RAPGEF1: variants seen among roughly 807,000 people sequenced by gnomAD.
RAPGEF1 encodes the protein CRK SH3-binding GNRP.
A neutral mutation model predicts 143.3 loss-of-function variants in RAPGEF1; 33 were observed. The ratio of observed to expected loss-of-function variants is 0.23; its 90% CI spans 0.17 to 0.31. The LOEUF (loss-of-function observed/expected upper bound fraction) is 0.31. Among genes scored for constraint, RAPGEF1 ranks in the 10% least tolerant of loss-of-function variants. RAPGEF1 has a pLI of 1.00. For missense variants in RAPGEF1, 1,199 were observed against 1,645.4 expected (o/e 0.73, Z 4.69); for synonymous variants, 629 against 676.5 (o/e 0.93, Z 1.09).
intron 14 of RAPGEF1, 28 bp from the exon 15 acceptor site, chr9:131,602,177 T>C (rs764010825): frequency 6.5e-7 from 1 of 1,536,236 alleles, no homozygotes; most frequent in Non-Finnish European, 8.8e-7. Context: ...TGCTGAGTTC[T>C]GGACAGGGGC....
chr9:131,688,339 A>G (rs999627557), intron 1 of RAPGEF1, among the ~76,000 whole-genome samples: 9 of 152,210 alleles, frequency 5.9e-5, no homozygotes, highest in Admixed American at 5.2e-4. Flanking sequence ...TAAAAGAACC[A>G]CAATTCACTG....
intron 4 of RAPGEF1, among the ~76,000 whole-genome samples, chr9:131,642,278 T>C (rs1482595175): frequency 6.6e-6 from 1 of 152,208 alleles, no homozygotes; most frequent in Non-Finnish European, 1.5e-5. Context: ...CAGCGAGTGC[T>C]TGTAATTTTA....
intron 5 of RAPGEF1, among the ~76,000 whole-genome samples, chr9:131,633,840 G>GCTAA (rs1184743533): frequency 6.6e-6 from 1 of 152,214 alleles, no homozygotes; most frequent in Non-Finnish European, 1.5e-5. Context: ...TGGCTACTGT[G>GCTAA]CTAACACCCT....
chr9:131,635,025 T>C (rs1246038059), intron 5 of RAPGEF1, among the ~76,000 whole-genome samples: 1 of 152,056 alleles, frequency 6.6e-6, no homozygotes, highest in Non-Finnish European at 1.5e-5. Context: ...AGGCTCCCGG[T>C]GGAAAAGCAG....
chr9:131,726,492 G>A (rs570945267), intron 1 of RAPGEF1, among the ~76,000 whole-genome samples: 2 of 152,218 alleles, frequency 1.3e-5, no homozygotes, highest in Non-Finnish European at 2.9e-5. Context: ...CGGACGCGGT[G>A]GTGGATGCCT....
chr9:131,586,826 C>T (rs1424692445), intron 22 of RAPGEF1, among the ~76,000 whole-genome samples: 7 of 67,120 alleles, frequency 1.0e-4, no homozygotes, highest in African/African-American at 1.8e-4. Context: ...ACCTGCAGAG[C>T]GAGACTCCGT....
chr9:131,662,050 G>A (rs1974244254), intron 1 of RAPGEF1, among the ~76,000 whole-genome samples: 1 of 152,112 alleles, frequency 6.6e-6, no homozygotes, highest in African/African-American at 2.4e-5. Context: ...GTCTCATGAG[G>A]CTCGCCTAAG....
chr9:131,622,658 C>T (rs1237371313), intron 10 of RAPGEF1, among the ~76,000 whole-genome samples: 1 of 152,216 alleles, frequency 6.6e-6, no homozygotes, highest in African/African-American at 2.4e-5. Flanking sequence ...CTCCAACAAG[C>T]ACCGAGCAGA....
intron 19 of RAPGEF1, among the ~76,000 whole-genome samples, chr9:131,589,630 G>C (rs1165154985): frequency 6.6e-6 from 1 of 152,216 alleles, no homozygotes; most frequent in African/African-American, 2.4e-5. Context: ...AGATACCATG[G>C]GAGCAGGTGC....
In RAPGEF1 at chr9:131,629,207, T is replaced by C. The variant is rs1249069086; in HGVS notation, c.788A>G (p.Lys263Arg). 1 of 1,613,972 alleles carries C rather than the reference T, an allele frequency of 6.2e-7. No homozygotes were observed. Among genetic ancestry groups the C allele is most frequent in the Non-Finnish European group, 8.5e-7 (1 of 1,179,854 alleles). The change falls in exon 7 of 27, where the codon AAG becomes AGG. Residue 263 changes from lysine to arginine, a missense_variant. Coordinates refer to ENST00000683357, the MANE Select transcript of RAPGEF1 (RefSeq NM_001377935.1). ...AGTTGACTGTGACATCCCAGTCGTC[T>C]TGTTTAGGATCTCTACCTCGCGGTC... ...LTDREVEILN[K>R]TTGMSQSTEL...
chr9:131,710,993 C>T (rs763472732), intron 1 of RAPGEF1, among the ~76,000 whole-genome samples: 1 of 152,064 alleles, frequency 6.6e-6, no homozygotes, highest in Admixed American at 6.6e-5. Context: ...CAAAAGAGAA[C>T]ATTTGTGAAG....
chr9:131,634,295 A>C (rs1347374909), intron 5 of RAPGEF1, among the ~76,000 whole-genome samples: 2 of 152,178 alleles, frequency 1.3e-5, no homozygotes, highest in Non-Finnish European at 2.9e-5. Context: ...CTATGTCTAC[A>C]GCAGTGACTG....
At chr9:131,616,976 G>C (rs930940416) in intron 12 of RAPGEF1, among the ~76,000 whole-genome samples, 2 of 152,142 alleles carry the variant, frequency 1.3e-5, no homozygotes, top group African/African-American at 4.8e-5. Context: ...CTTCCCTCAG[G>C]CTCCTTGGTG....
At chr9:131,636,436 T>C (rs1325447083) in intron 5 of RAPGEF1, among the ~76,000 whole-genome samples, 3 of 152,234 alleles carry the variant, frequency 2.0e-5, no homozygotes, top group Non-Finnish European at 4.4e-5. Context: ...TCCTTTTTTT[T>C]TCCCCAGTCA....
chr9:131,633,325 T>C (rs1047211851), intron 5 of RAPGEF1, among the ~76,000 whole-genome samples: 1 of 152,032 alleles, frequency 6.6e-6, no homozygotes, highest in African/African-American at 2.4e-5. Flanking sequence ...GAGAAGCAGC[T>C]CTTCCTAAAA....
chr9:131,716,937 C>T (rs1292787637), intron 1 of RAPGEF1, among the ~76,000 whole-genome samples: 3 of 152,314 alleles, frequency 2.0e-5, no homozygotes, highest in South Asian at 4.1e-4. Context: ...CTGTGCATAG[C>T]CGTGCACCTG....
At chr9:131,681,355 G>T (rs1003786215) in intron 1 of RAPGEF1, among the ~76,000 whole-genome samples, 1 of 152,170 alleles carries the variant, frequency 6.6e-6, no homozygotes, top group African/African-American at 2.4e-5. Flanking sequence ...CAAGCTAGAC[G>T]AGGGAGTGAT....
rs546184467 is a variant in RAPGEF1, at chr9:131,588,506, C to T, written c.3053+295G>A. ...GACTGGCATCAACCACTGCCATGTTCGTGCTGGGACAACCCAGAACTGACC... is the reference window on the plus strand; with the variant it reads ...GACTGGCATCAACCACTGCCATGTTTGTGCTGGGACAACCCAGAACTGACC... On this transcript the variant is annotated intron_variant, in intron 20 of 26. Transcript: ENST00000683357. 2.6e-5 allele frequency among the ~76,000 whole-genome samples: 4 copies of T among 152,346 alleles called. No individual in the cohort carries two copies. The East Asian group carries it at 7.7e-4, about 29-fold the overall frequency.
Position 131,641,891 on chromosome 9 carries a change from G to A in RAPGEF1, c.494+1348C>T, listed in dbSNP as rs141357205. Among the ~76,000 whole-genome samples, 156 of 152,336 alleles carry A rather than the reference G, an allele frequency of 1.0e-3. No individual in the cohort carries two copies. The highest frequency in any genetic ancestry group is 3.6e-3 in the African/African-American group (150 of 41,584). ...GAAGCCCCAGGGCAGAGAGTTTCTT[G>A]TAAATAAAGACACTATTTGCTTTAT... On this transcript the variant is annotated intron_variant, in intron 4 of 26. Coordinates refer to ENST00000683357, the MANE Select transcript of RAPGEF1 (RefSeq NM_001377935.1). This position sits in a 1 kb window ranked among gnomAD's most constrained non-coding sequence, Gnocchi z 4.6.
Sources: gnomAD v4.1 joint callset for allele counts (sites outside exome capture counted in the v4.1 genomes callset) on GRCh38, gnomAD v4.1.1 for gene constraint, Gnocchi (gnomAD v3.1) non-coding constraint, MANE v1.5 for transcripts, NCBI Gene and HGNC (gene_info 2026-07-23, HGNC 2026-07-21) for gene names.